Variants in MAN1C1 observed in about 807,000 individuals in gnomAD.
MAN1C1 encodes mannosyl-oligosaccharide 1,2-alpha-mannosidase IC.
MAN1C1 carries 49 observed loss-of-function variants against 71.5 expected under a neutral mutation model. That is an observed-to-expected ratio of 0.69 (90% CI 0.54 to 0.87). The LOEUF is 0.87. Among genes scored for constraint, MAN1C1 ranks in the 40% least tolerant of loss-of-function variants. The probability of loss-of-function intolerance (pLI) is 0.00; values close to 1 mark genes in which losing one functional copy is unlikely to be tolerated. For synonymous variants in MAN1C1, 352 were observed against 343.7 expected (o/e 1.02, Z -0.27); for missense variants, 743 against 835.0 (o/e 0.89, Z 1.36).
intron 1 of MAN1C1, among the ~76,000 whole-genome samples, chr1:25,621,367 G>A (rs1056911111): frequency 2.0e-5 from 3 of 152,192 alleles, no homozygotes; most frequent in East Asian, 3.8e-4. Context: ...TTGGAATCAC[G>A]AAGAGTAAAG....
At chr1:25,704,942 C>T (rs2046499023) in intron 2 of MAN1C1, among the ~76,000 whole-genome samples, 1 of 152,240 alleles carries the variant, frequency 6.6e-6, no homozygotes, top group Non-Finnish European at 1.5e-5. Flanking sequence ...TCCTCCAATG[C>T]AAAGCCTTAA....
In MAN1C1 at chr1:25,735,150, C is replaced by T. The variant is rs989981650; in HGVS notation, c.638-11518C>T. Among the ~76,000 whole-genome samples the T allele has an allele frequency of 5.9e-5, 9 of 152,154 alleles. No homozygotes were observed. The highest frequency in any genetic ancestry group is 2.0e-4 in the Admixed American group (3 of 15,272). On this transcript the variant is annotated intron_variant, in intron 2 of 11. Coordinates refer to ENST00000374332, the MANE Select transcript of MAN1C1 (RefSeq NM_020379.4). The surrounding 1 kb of genome is among the most constrained non-coding windows in gnomAD (Gnocchi z 4.6). ...ATAGGCGGCCAGTCGCGGTGGCTCA[C>T]GCCTGTTATCCCAGGCCTGTCTCGT...
chr1:25,767,285 A>G (rs1326695151), intron 7 of MAN1C1, among the ~76,000 whole-genome samples: 2 of 133,682 alleles, frequency 1.5e-5, no homozygotes, highest in African/African-American at 5.8e-5. Context: ...CACACTACAT[A>G]CACTCCTACT....
intron 7 of MAN1C1, among the ~76,000 whole-genome samples, chr1:25,767,334 C>A (rs1475147785): frequency 1.5e-4 from 21 of 139,048 alleles, no homozygotes; most frequent in South Asian, 7.2e-4. Flanking sequence ...CACACTCCCC[C>A]CACACACAGA....
At chr1:25,733,334 C>T (rs2046936090) in intron 2 of MAN1C1, among the ~76,000 whole-genome samples, 1 of 152,164 alleles carries the variant, frequency 6.6e-6, no homozygotes, top group Admixed American at 6.5e-5. Flanking sequence ...CATCCAGACC[C>T]CCTTTCTTGA....
chr1:25,643,872 G>A (rs770891334), intron 1 of MAN1C1, among the ~76,000 whole-genome samples: 1 of 152,100 alleles, frequency 6.6e-6, no homozygotes, highest in Non-Finnish European at 1.5e-5. Context: ...CCTTCATGTG[G>A]CTGCTAGAAT....
intron 1 of MAN1C1, among the ~76,000 whole-genome samples, chr1:25,669,515 A>G (rs910421529): frequency 1.6e-4 from 25 of 152,122 alleles, no homozygotes; most frequent in Admixed American, 1.6e-3. Context: ...GCTTTTAACC[A>G]TAGCACTTTG....
At chr1:25,653,005 A>G (rs1408189108) in intron 1 of MAN1C1, among the ~76,000 whole-genome samples, 1 of 151,600 alleles carries the variant, frequency 6.6e-6, no homozygotes. Flanking sequence ...AGTTCAAGAG[A>G]TCTGCCCATC....
intron 1 of MAN1C1, among the ~76,000 whole-genome samples, chr1:25,670,697 T>G (rs745934283): frequency 2.0e-5 from 3 of 152,186 alleles, no homozygotes; most frequent in Non-Finnish European, 4.4e-5. Flanking sequence ...AGACAAAGCT[T>G]TCTGAATCAG....
At chr1:25,750,518 C>T (rs2047199995) in intron 4 of MAN1C1, among the ~76,000 whole-genome samples, 1 of 152,206 alleles carries the variant, frequency 6.6e-6, no homozygotes, top group African/African-American at 2.4e-5. Context: ...CCCTCTTCAC[C>T]TCCACTGCTG....
chr1:25,642,159 C>A lies in MAN1C1; in HGVS notation c.540+23822C>A, dbSNP rs77888571. ...ATTTGCTTGTCCCGAAGTCGATTTC[C>A]CCACAGGCCATCGCCCTCCCTCCTG... On this transcript the variant is annotated intron_variant, in intron 1 of 11. Coordinates refer to ENST00000374332, the MANE Select transcript of MAN1C1 (RefSeq NM_020379.4). Among the ~76,000 whole-genome samples, 703 of 152,274 alleles carry A rather than the reference C, an allele frequency of 4.6e-3. 40 individuals are homozygous for A. The East Asian group carries it at 0.11, about 25-fold the overall frequency.
intron 5 of MAN1C1, among the ~76,000 whole-genome samples, chr1:25,754,457 CA>C (rs2047258373): frequency 6.6e-6 from 1 of 152,126 alleles, no homozygotes; most frequent in African/African-American, 2.4e-5. Flanking sequence ...GCATGTTCAG[CA>C]TCTTCGTCAA....
At chr1:25,638,183 TAC>T (rs2045490049) in intron 1 of MAN1C1, among the ~76,000 whole-genome samples, 3 of 152,274 alleles carry the variant, frequency 2.0e-5, no homozygotes, top group Middle Eastern at 6.8e-3. Context: ...GTTATACGCA[TAC>T]ACACACAGAG....
Position 25,763,201 on chromosome 1 carries a change from G to A in MAN1C1, c.1048-673G>A, listed in dbSNP as rs556909952. Among the ~76,000 whole-genome samples the A allele has an allele frequency of 7.9e-5, 12 of 152,286 alleles. No homozygotes were observed. In the South Asian group the frequency reaches 2.3e-3, roughly 29 times the overall value. On this transcript the variant is annotated intron_variant, in intron 6 of 11. Coordinates refer to ENST00000374332, the MANE Select transcript of MAN1C1 (RefSeq NM_020379.4). ...GAGAACCACTTGAACCCGGGAGGTG[G>A]AGGTTGCCGTGAGCTGAGATTGCGC...
intron 1 of MAN1C1, among the ~76,000 whole-genome samples, chr1:25,683,891 C>T (rs1224004671): frequency 6.6e-6 from 1 of 152,212 alleles, no homozygotes; most frequent in Non-Finnish European, 1.5e-5. Flanking sequence ...GAAGAGGCAG[C>T]TCTGATTGCC....
rs2047324121 is a variant in MAN1C1 at position 25,758,816 on chromosome 1, G to A, written c.1047+107G>A. 15 of 988,822 alleles carry A rather than the reference G, an allele frequency of 1.5e-5. No individual in the cohort carries two copies. In the South Asian group the frequency reaches 1.7e-4, roughly 11 times the overall value. 61.3% of individuals were successfully genotyped at this position (988,822 alleles called of 1,614,324 possible). The stretch of plus-strand genomic sequence containing the variant: ...TCCTCCCTCATGGATCAGCAGGAGG[G>A]CAGTGGGGAGCCCGGGAGCCCAAGC... On this transcript the variant is annotated intron_variant, in intron 6 of 11. Transcript: ENST00000374332.
chr1:25,690,954 G>A (rs977103801), intron 2 of MAN1C1, among the ~76,000 whole-genome samples: 4 of 152,164 alleles, frequency 2.6e-5, no homozygotes, highest in African/African-American at 4.8e-5. Context: ...TGGCTTCCTC[G>A]CCTGTAAAAG....
intron 1 of MAN1C1, among the ~76,000 whole-genome samples, chr1:25,675,590 G>GTA (rs1553185441): frequency 7.5e-6 from 1 of 132,662 alleles, no homozygotes; most frequent in African/African-American, 3.1e-5. Context: ...TTTGCGGGGG[G>GTA]GGGGGGAGGT....
chr1:25,685,849 G>A (rs2046222194), intron 1 of MAN1C1, among the ~76,000 whole-genome samples: 1 of 152,160 alleles, frequency 6.6e-6, no homozygotes, highest in African/African-American at 2.4e-5. Context: ...GGAGGCCAGG[G>A]CAGGTCAAAG....
Sources: gnomAD v4.1 joint callset for allele counts (sites outside exome capture counted in the v4.1 genomes callset) on GRCh38, gnomAD v4.1.1 for gene constraint, Gnocchi (gnomAD v3.1) non-coding constraint, MANE v1.5 for transcripts, NCBI Gene and HGNC (gene_info 2026-07-23, HGNC 2026-07-21) for gene names.